The following SCN4B variants were observed in gnomAD, a reference collection of about 807,000 sequenced individuals.
SCN4B encodes sodium voltage-gated channel beta subunit 4.
SCN4B carries 20 observed loss-of-function variants against 19.6 expected under a neutral mutation model. The observed-to-expected ratio is 1.02, with a 90% CI of 0.72 to 1.48. SCN4B has a LOEUF of 1.48. Ranked by LOEUF, SCN4B falls within the 40% of genes most tolerant of loss-of-function variation. The probability of loss-of-function intolerance (pLI) is 0.00; values close to 1 mark genes in which losing one functional copy is unlikely to be tolerated. For missense variants in SCN4B, 271 were observed against 287.5 expected (o/e 0.94, Z 0.42); for synonymous variants, 127 against 122.8 (o/e 1.03, Z -0.22).
chr11:118,145,558 G>T (rs1715444), intron 1 of SCN4B: 604,882 of 1,052,364 alleles, frequency 0.57, 175,708 homozygotes, highest in East Asian at 0.82. Flanking sequence ...CTCACCTGGG[G>T]ACGCAGTGCC....
chr11:118,152,097 G>A (rs764435072), intron 1 of SCN4B, among the ~76,000 whole-genome samples: 1 of 152,212 alleles, frequency 6.6e-6, no homozygotes, highest in Non-Finnish European at 1.5e-5. Context: ...GCTCCTGAGG[G>A]AGGTACAGGG....
chr11:118,150,432 T>C (rs532927999), intron 1 of SCN4B, among the ~76,000 whole-genome samples: 1 of 152,282 alleles, frequency 6.6e-6, no homozygotes, highest in African/African-American at 2.4e-5. Context: ...AAAGAGCCGC[T>C]CTAGGCCCCT....
intron 1 of SCN4B, among the ~76,000 whole-genome samples, chr11:118,152,370 C>T (rs1948242369): frequency 6.6e-6 from 1 of 152,146 alleles, no homozygotes; most frequent in South Asian, 2.1e-4. Context: ...CCGAAGGTGC[C>T]AAGGACAGCA....
chr11:118,135,965 G>T lies in SCN4B; in HGVS notation c.*1062C>A. ...TCATCCAAAGGAAGAGAGTCCCTGAGGCGAAGGCAGGCCCTTGACCCAGGG... is the reference window on the plus strand; with the variant it reads ...TCATCCAAAGGAAGAGAGTCCCTGATGCGAAGGCAGGCCCTTGACCCAGGG... On this transcript the variant is annotated 3_prime_UTR_variant, in exon 5 of 5. Coordinates refer to ENST00000324727, the MANE Select transcript of SCN4B (RefSeq NM_174934.4). The T allele has an allele frequency of 2.2e-6, 1 of 453,986 alleles. No individual in the cohort carries two copies. The highest frequency in any genetic ancestry group is 4.4e-6 in the Non-Finnish European group (1 of 226,656). 28.1% of individuals were successfully genotyped at this position (453,986 alleles called of 1,614,324 possible).
At position 118,136,283 on chromosome 11, in the gene SCN4B, T is replaced by C. The variant is rs1366937956; in HGVS notation, c.*744A>G. The C allele has an allele frequency of 2.2e-6, 1 of 453,796 alleles. No individual in the cohort carries two copies. The highest frequency in any genetic ancestry group is 2.0e-5 in the African/African-American group (1 of 50,018). 28.1% of individuals were successfully genotyped at this position (453,796 alleles called of 1,614,324 possible). On this transcript the variant is annotated 3_prime_UTR_variant, in exon 5 of 5. Transcript: ENST00000324727. ...TGGAAAGGCATAGGGAGCACTCGGG[T>C]ACTCCAGGAAGGCTCGAGGGGCCCC...
chr11:118,137,301 T>C (rs1173055917), intron 4 of SCN4B, among the ~76,000 whole-genome samples, 181 bp from the exon 5 acceptor site: 3 of 152,072 alleles, frequency 2.0e-5, no homozygotes, highest in Non-Finnish European at 1.5e-5. Context: ...ATTTGTGAAA[T>C]AGAGGTAGGG....
At chr11:118,152,139 A>G (rs1337827472) in intron 1 of SCN4B, among the ~76,000 whole-genome samples, 1 of 152,164 alleles carries the variant, frequency 6.6e-6, no homozygotes, top group Non-Finnish European at 1.5e-5. Flanking sequence ...GGGCCCAGGA[A>G]GAAGGGGACT....
At chr11:118,146,470 C>A (rs1242901718) in intron 1 of SCN4B, among the ~76,000 whole-genome samples, 1 of 152,102 alleles carries the variant, frequency 6.6e-6, no homozygotes, top group East Asian at 1.9e-4. Flanking sequence ...TCAGGAAGGC[C>A]CTCTGTTGTC....
Position 118,135,591 on chromosome 11 carries a change from A to G in SCN4B, c.*1436T>C. ...TCACCACCTCCCCCTAGGGCAGGCT[A>G]GAAACCCCAATGGGAGCACCTGGCC... On this transcript the variant is annotated 3_prime_UTR_variant, in exon 5 of 5. Coordinates refer to ENST00000324727, the MANE Select transcript of SCN4B (RefSeq NM_174934.4). The G allele has an allele frequency of 2.2e-6, 1 of 454,120 alleles. No individual in the cohort carries two copies. The highest frequency in any genetic ancestry group is 2.3e-5 in the Admixed American group (1 of 42,578). 28.1% of individuals were successfully genotyped at this position (454,120 alleles called of 1,614,324 possible).
In SCN4B at chr11:118,135,677, G is replaced by C. The variant is rs1591430120; in HGVS notation, c.*1350C>G. The stretch of plus-strand genomic sequence containing the variant: ...CCTCATGGCCCCCTCTATGACCCTG[G>C]GGAGGGGAGGGCTGGCGAACCCTCA... On this transcript the variant is annotated 3_prime_UTR_variant, in exon 5 of 5. Transcript: ENST00000324727. The C allele has an allele frequency of 2.2e-6, 1 of 454,464 alleles. No individual in the cohort carries two copies. The highest frequency in any genetic ancestry group is 7.0e-5 in the East Asian group (1 of 14,376). The allele number at this position is 454,464 out of a possible 1,614,324, so 28.2% of individuals were successfully genotyped here.
intron 1 of SCN4B, among the ~76,000 whole-genome samples, chr11:118,150,046 C>T (rs554688788): frequency 1.3e-5 from 2 of 152,316 alleles, no homozygotes; most frequent in African/African-American, 4.8e-5. Context: ...GGACTGAGCA[C>T]CCTCTCCTTA....
intron 2 of SCN4B, 52 bp from the exon 3 acceptor site, chr11:118,144,113 T>C (rs1197841645): frequency 1.6e-6 from 2 of 1,238,356 alleles, no homozygotes; most frequent in East Asian, 2.3e-5. Context: ...AGAATCGGGG[T>C]CCTCAAGGGT....
At chr11:118,138,859 C>T (rs1427108584) in intron 4 of SCN4B, among the ~76,000 whole-genome samples, 2 of 152,120 alleles carry the variant, frequency 1.3e-5, no homozygotes, top group African/African-American at 4.8e-5. Flanking sequence ...ACAGCACCCA[C>T]GTTTCAGAAT....
At chr11:118,141,408 G>A in intron 3 of SCN4B, 72 bp from the exon 4 acceptor site, 1 of 1,590,168 alleles carries the variant, frequency 6.3e-7, no homozygotes, top group Non-Finnish European at 8.6e-7. Flanking sequence ...CGAGAACTGT[G>A]GCAGTGCAAG....
chr11:118,148,297 G>T lies in SCN4B; in HGVS notation c.62-3068C>A, dbSNP rs1270083293. 6.6e-6 allele frequency among the ~76,000 whole-genome samples: 1 copy of T among 152,210 alleles called. No individual in the cohort carries two copies. Among genetic ancestry groups the T allele is most frequent in the African/African-American group, 2.4e-5 (1 of 41,446 alleles). ...CAGTCCTGCCAGTTATGTCTGGGAG[G>T]GTCATGCACAAGAAAGCCGAGGGGC... On this transcript the variant is annotated intron_variant, in intron 1 of 4. Coordinates refer to ENST00000324727, the MANE Select transcript of SCN4B (RefSeq NM_174934.4). The surrounding 1 kb of genome is among the most constrained non-coding windows in gnomAD (Gnocchi z 4.0).
At position 118,137,049 on chromosome 11, in the gene SCN4B, T is replaced by G; in HGVS notation, c.665A>C (p.Glu222Ala). ...GGCTCACACTTTTGAAGGTGGTTTCTCCTCTGCCTTGGAGCCAGGCAAGCC... is the reference window on the plus strand; with the variant it reads ...GGCTCACACTTTTGAAGGTGGTTTCGCCTCTGCCTTGGAGCCAGGCAAGCC... ...ENGLPGSKAE[E>A]KPPSKV Residue 222 changes from glutamate to alanine, a missense_variant, in exon 5 of 5, where the codon GAG (glutamate) becomes GCG (alanine). Glu to Ala is a moderately radical substitution (Grantham distance 107). Coordinates refer to ENST00000324727, the MANE Select transcript of SCN4B (RefSeq NM_174934.4). The G allele has an allele frequency of 6.2e-7, 1 of 1,613,840 alleles. No homozygotes were observed. Among genetic ancestry groups the G allele is most frequent in the South Asian group, 1.1e-5 (1 of 91,070 alleles).
intron 2 of SCN4B, 148 bp from the exon 3 acceptor site, chr11:118,144,209 C>A (rs1379570150): frequency 1.5e-6 from 1 of 646,416 alleles, no homozygotes; most frequent in Non-Finnish European, 2.8e-6. Context: ...TCCTTCCCCC[C>A]ATGGTTTCCT....
At position 118,148,017 on chromosome 11, in the gene SCN4B, T is replaced by C. The variant is rs11606843; in HGVS notation, c.62-2788A>G. On this transcript the variant is annotated intron_variant, in intron 1 of 4. Coordinates refer to ENST00000324727, the MANE Select transcript of SCN4B (RefSeq NM_174934.4). The surrounding 1 kb of genome is among the most constrained non-coding windows in gnomAD (Gnocchi z 4.0). ...ATGGGTCCAGAAGAGAGGGGAACAC[T>C]GTATCTTTAAGGTCTGGCTCATGAC... Among the ~76,000 whole-genome samples, 2,187 of 152,332 alleles carry C rather than the reference T, an allele frequency of 0.014. 34 individuals carry two copies. The highest frequency in any genetic ancestry group is 0.048 in the East Asian group (250 of 5,188).
chr11:118,144,079 T>C lies in SCN4B; in HGVS notation c.235-18A>G, dbSNP rs758764353. 7.0e-5 allele frequency: 110 copies of C among 1,561,266 alleles called. No homozygotes were observed. Among genetic ancestry groups the C allele is most frequent in the Non-Finnish European group, 8.7e-5 (99 of 1,132,882 alleles). Reference sequence around the variant, plus strand: ...TCTATGAGCTGGTGGAGGAAGGGAGTTGGGGTGAGAAAGTAGCCGAGAAAG... The same window carrying C: ...TCTATGAGCTGGTGGAGGAAGGGAGCTGGGGTGAGAAAGTAGCCGAGAAAG... On this transcript the variant is annotated intron_variant, in intron 2 of 4. Transcript: ENST00000324727.
Sources: allele counts gnomAD v4.1 joint callset (sites outside exome capture counted in the v4.1 genomes callset), GRCh38; gene constraint gnomAD v4.1.1; non-coding constraint Gnocchi (gnomAD v3.1); transcripts MANE v1.5; gene names NCBI Gene and HGNC (gene_info 2026-07-23, HGNC 2026-07-21).